Variants in ZMYND8 observed in about 807,000 individuals in gnomAD.
ZMYND8 encodes the protein zinc finger MYND-type containing 8.
In ZMYND8, 37 loss-of-function variants were observed where a neutral mutation model predicts 140.8. The observed-to-expected ratio is 0.26, with a 90% CI of 0.20 to 0.35. The LOEUF (loss-of-function observed/expected upper bound fraction) is 0.35, where lower values mean the gene tolerates loss of function less well. ZMYND8 is among the 10% of genes least tolerant of loss of function. The pLI is 1.00. For synonymous variants in ZMYND8, 592 were observed against 597.1 expected, an observed-to-expected ratio of 0.99 and a Z score of 0.12; for missense variants, 1,068 against 1,570.0, an observed-to-expected ratio of 0.68 and a Z score of 5.40.
chr20:47,258,203 G>A (rs755462849), intron 12 of ZMYND8, among the ~76,000 whole-genome samples: 5 of 152,242 alleles, frequency 3.3e-5, no homozygotes, highest in Non-Finnish European at 2.9e-5. Context: ...AAAAGCTGAC[G>A]TATCCAATAG....
chr20:47,236,179 G>GACCA, intron 16 of ZMYND8, 147 bp downstream of exon 16: 1 of 876,804 alleles, frequency 1.1e-6, no homozygotes, highest in Middle Eastern at 3.6e-4. Context: ...AAAGAACGTG[G>GACCA]TCTTGGAGAT....
At chr20:47,321,552 C>T (rs2079953952) in intron 2 of ZMYND8, among the ~76,000 whole-genome samples, 1 of 152,186 alleles carries the variant, frequency 6.6e-6, no homozygotes, top group South Asian at 2.1e-4. Flanking sequence ...GCAGGTCTCA[C>T]CATGTGTAAA....
At chr20:47,211,918 C>CAAAG (rs2035322415) in intron 22 of ZMYND8, among the ~76,000 whole-genome samples, 1 of 152,040 alleles carries the variant, frequency 6.6e-6, no homozygotes, top group Non-Finnish European at 1.5e-5. Context: ...AAGAGAATGA[C>CAAAG]AAAGATCTCC....
At chr20:47,313,645 A>T (rs2079140315) in intron 2 of ZMYND8, among the ~76,000 whole-genome samples, 1 of 146,992 alleles carries the variant, frequency 6.8e-6, no homozygotes, top group Non-Finnish European at 1.5e-5. Context: ...TAATAATAAT[A>T]ATTAGGCTGG....
chr20:47,334,078 C>A (rs1415976874), intron 2 of ZMYND8, among the ~76,000 whole-genome samples: 2 of 152,242 alleles, frequency 1.3e-5, no homozygotes, highest in East Asian at 1.9e-4. Context: ...TCATCTAATG[C>A]GAAGCCTATT....
In ZMYND8 at chr20:47,309,239, A is replaced by T. The variant is rs140645810; in HGVS notation, c.234+817T>A. ...GGAAAGAATCCTCTGTGCTTCCACGAAAAGGAACTGTGACCAATTACCTAA... is the reference window on the plus strand; with the variant it reads ...GGAAAGAATCCTCTGTGCTTCCACGTAAAGGAACTGTGACCAATTACCTAA... On this transcript the variant is annotated intron_variant, in intron 3 of 22. Transcript: ENST00000471951. 8.8e-4 allele frequency among the ~76,000 whole-genome samples: 134 copies of T among 152,290 alleles called. 1 individual carries two copies. The East Asian group carries it at 0.017, about 20-fold the overall frequency.
intron 2 of ZMYND8, among the ~76,000 whole-genome samples, chr20:47,313,395 G>T (rs2079099483): frequency 6.6e-6 from 1 of 150,486 alleles, no homozygotes; most frequent in Admixed American, 6.6e-5. Context: ...GGCCAAGGCG[G>T]GCGGATTACA....
At chr20:47,252,175 TC>T (rs1236015926) in intron 12 of ZMYND8, among the ~76,000 whole-genome samples, 11 of 148,730 alleles carry the variant, frequency 7.4e-5, no homozygotes, top group African/African-American at 7.5e-5. Flanking sequence ...GTGCCTGTAA[TC>T]CCCGGTACTC....
intron 2 of ZMYND8, among the ~76,000 whole-genome samples, chr20:47,332,409 T>G (rs778743172): frequency 2.6e-5 from 4 of 152,166 alleles, no homozygotes; most frequent in African/African-American, 9.7e-5. Flanking sequence ...GGGAGACAAG[T>G]GCCTTTAAAA....
intron 2 of ZMYND8, among the ~76,000 whole-genome samples, chr20:47,312,899 C>A (rs2079050763): frequency 6.6e-6 from 1 of 152,092 alleles, no homozygotes; most frequent in African/African-American, 2.4e-5. Context: ...CGCCACTGTT[C>A]CTGAAAACTT....
In ZMYND8 at chr20:47,210,628, G is replaced by A; in HGVS notation, c.*133C>T. 6.8e-7 allele frequency: 1 copy of A among 1,480,724 alleles called. No homozygotes were observed. Among genetic ancestry groups the A allele is most frequent in the Non-Finnish European group, 9.4e-7 (1 of 1,066,786 alleles). The allele number at this position is 1,480,724 out of a possible 1,614,324, so 91.7% of individuals were successfully genotyped here. A position where few individuals can be genotyped will look rare whatever the true frequency, so the allele number is the denominator to read the frequency against. On this transcript the variant is annotated 3_prime_UTR_variant, in exon 23 of 23. Transcript: ENST00000471951. ...TAGTGTAGCAGCCCCCGCGCCGGGG[G>A]CTCAGGCTCAACTGAGGGTTTTGTC...
chr20:47,219,170 G>C (rs1249477180), intron 21 of ZMYND8, among the ~76,000 whole-genome samples: 4 of 148,922 alleles, frequency 2.7e-5, no homozygotes, highest in Non-Finnish European at 5.9e-5. Context: ...CGATTCTCCT[G>C]CCTCAGCCTC....
chr20:47,227,188 T>C lies in ZMYND8; in HGVS notation c.3016+15A>G. The C allele has an allele frequency of 6.2e-7, 1 of 1,614,076 alleles. No homozygotes were observed. Among genetic ancestry groups the C allele is most frequent in the Non-Finnish European group, 8.5e-7 (1 of 1,179,928 alleles). On this transcript the variant is annotated intron_variant, in intron 18 of 22. Transcript: ENST00000471951. Reference sequence around the variant, plus strand: ...CAAAACCCTCCTCAGTCCAGACCAGTGTGTCAGGCCTTACCTAAGTTGTGT... The same window carrying C: ...CAAAACCCTCCTCAGTCCAGACCAGCGTGTCAGGCCTTACCTAAGTTGTGT...
At chr20:47,243,536 A>AC (rs1203625192) in intron 14 of ZMYND8, among the ~76,000 whole-genome samples, 22 of 152,360 alleles carry the variant, frequency 1.4e-4, no homozygotes, top group African/African-American at 5.0e-4. Flanking sequence ...CTTCTAAGGT[A>AC]CTGTGTTTCC....
At chr20:47,306,428 A>T (rs757298300) in intron 3 of ZMYND8, among the ~76,000 whole-genome samples, 9 of 152,132 alleles carry the variant, frequency 5.9e-5, no homozygotes, top group Non-Finnish European at 1.2e-4. Flanking sequence ...AAAAAATAAA[A>T]ATACAAATAA....
chr20:47,299,728 C>A (rs1023192496), intron 3 of ZMYND8, among the ~76,000 whole-genome samples: 2 of 152,098 alleles, frequency 1.3e-5, no homozygotes, highest in African/African-American at 4.8e-5. Flanking sequence ...GGACTACAGG[C>A]GTGTGCCACC....
At chr20:47,277,224 T>A (rs1251065351) in intron 10 of ZMYND8, among the ~76,000 whole-genome samples, 1 of 152,228 alleles carries the variant, frequency 6.6e-6, no homozygotes, top group Non-Finnish European at 1.5e-5. Context: ...GAATACTGCA[T>A]CCCTAAAAGG....
At chr20:47,356,349 A>C (rs967125234) in intron 1 of ZMYND8, 43 of 1,460,446 alleles carry the variant, frequency 2.9e-5, no homozygotes, top group Non-Finnish European at 3.8e-5. Flanking sequence ...AAAAAAAAGA[A>C]GGAAAAAAAA....
chr20:47,252,291 CAAAAA>C (rs144291181), intron 12 of ZMYND8, among the ~76,000 whole-genome samples: 16 of 68,940 alleles, frequency 2.3e-4, no homozygotes, highest in Admixed American at 2.0e-3. Flanking sequence ...GACTCTGTCT[CAAAAA>C]AAAAAAAAAA....
Sources: allele counts gnomAD v4.1 joint callset (sites outside exome capture counted in the v4.1 genomes callset), GRCh38; gene constraint gnomAD v4.1.1; transcripts MANE v1.5; gene names NCBI Gene and HGNC (gene_info 2026-07-23, HGNC 2026-07-21).